UGGT1: variants seen among roughly 807,000 people sequenced by gnomAD.
The protein encoded by UGGT1 is UDP-glucose glycoprotein glucosyltransferase 1, also known as UDP-glucose:glycoprotein glucosyltransferase 1.
A neutral mutation model predicts 203.9 loss-of-function variants in UGGT1; 107 were observed. That is an observed-to-expected ratio of 0.52 (90% CI 0.45 to 0.62). UGGT1 has a LOEUF of 0.62. Among genes scored for constraint, UGGT1 ranks in the 20% least tolerant of loss-of-function variants. The pLI is 0.00. For missense variants in UGGT1, 1,673 were observed against 1,867.2 expected (o/e 0.90, Z 1.92); for synonymous variants, 628 against 653.5 (o/e 0.96, Z 0.59).
In UGGT1 at chr2:128,192,637, T is replaced by A. The variant is rs1692321941; in HGVS notation, c.*2895T>A. The A allele has an allele frequency of 6.6e-6, 1 of 152,184 alleles. No individual in the cohort carries two copies. Among genetic ancestry groups the A allele is most frequent in the South Asian group, 2.1e-4 (1 of 4,830 alleles). The allele number at this position is 152,184 out of a possible 1,614,324, so 9.4% of individuals were successfully genotyped here. ...TGTTCTGTGTACAGTGGCATTTGAT[T>A]GAGATCAAAGCCTGTCACAGCCTGC... On this transcript the variant is annotated 3_prime_UTR_variant, in exon 41 of 41. Coordinates refer to ENST00000259253, the MANE Select transcript of UGGT1 (RefSeq NM_020120.4).
intron 15 of UGGT1, among the ~76,000 whole-genome samples, chr2:128,137,573 C>T (rs1178814668): frequency 1.3e-5 from 2 of 152,144 alleles, no homozygotes; most frequent in Admixed American, 1.3e-4. Flanking sequence ...CCAAATTAAC[C>T]AAGTGTTGTC....
At chr2:128,180,713 A>G (rs997551520) in intron 35 of UGGT1, among the ~76,000 whole-genome samples, 177 bp from the exon 36 acceptor site, 5 of 152,320 alleles carry the variant, frequency 3.3e-5, no homozygotes, top group Admixed American at 1.3e-4. Context: ...GGATTTGACA[A>G]AGGTTTATAT....
chr2:128,154,773 A>G (rs781313913), intron 19 of UGGT1, among the ~76,000 whole-genome samples: 2 of 152,178 alleles, frequency 1.3e-5, no homozygotes, highest in Non-Finnish European at 2.9e-5. Context: ...GCTGTGTCTG[A>G]CAGACTGTGA....
Position 128,097,323 on chromosome 2 carries a change from C to T in UGGT1, c.59-106C>T, listed in dbSNP as rs192708487. The T allele has an allele frequency of 6.4e-4, 845 of 1,330,080 alleles. 5 individuals are homozygous for T. The East Asian group carries it at 0.019, about 30-fold the overall frequency. 82.4% of individuals were successfully genotyped at this position (1,330,080 alleles called of 1,614,324 possible). A position where few individuals can be genotyped will look rare whatever the true frequency, so the allele number is the denominator to read the frequency against. On this transcript the variant is annotated intron_variant, in intron 1 of 40. Coordinates refer to ENST00000259253, the MANE Select transcript of UGGT1 (RefSeq NM_020120.4). ...CCTGGGAGGCAGAGGTTGCATGAGC[C>T]GAGATTGCACCACTGCACTCCAGCC... is the stretch of plus-strand genomic sequence containing the variant.
intron 1 of UGGT1, among the ~76,000 whole-genome samples, chr2:128,096,453 A>G (rs1381976491): frequency 1.3e-5 from 2 of 152,060 alleles, no homozygotes; most frequent in Non-Finnish European, 2.9e-5. Flanking sequence ...TCTTTCTTTG[A>G]CTCTTCAGCT....
At position 128,164,736 on chromosome 2, in the gene UGGT1, C is replaced by T. The variant is rs184372637; in HGVS notation, c.2832C>T (p.Ser944=). 15 of 1,613,642 alleles carry T rather than the reference C, an allele frequency of 9.3e-6. No individual in the cohort carries two copies. Among genetic ancestry groups the T allele is most frequent in the South Asian group, 5.5e-5 (5 of 91,066 alleles). ...CTCTAACCCCTTCTTTCAGGGCAAG[C>T]GACTTGGTAATGAAGGTGGATGCTC... ...QQLRVEEDVA[S]DLVMKVDALL... The change falls in exon 26 of 41, where the codon AGC becomes AGT. Residue 944 remains serine, a synonymous_variant. Coordinates refer to ENST00000259253, the MANE Select transcript of UGGT1 (RefSeq NM_020120.4).
Position 128,145,835 on chromosome 2 carries a change from T to A in UGGT1, c.1884T>A (p.Val628=). 6.2e-7 allele frequency: 1 copy of A among 1,610,724 alleles called. No individual in the cohort carries two copies. Among genetic ancestry groups the A allele is most frequent in the Non-Finnish European group, 8.5e-7 (1 of 1,177,724 alleles). ...GAGGCTACTATGAGCAGACTGGAGT[T>A]GGACCTCTGCCCGTTGTGCTGTTCA... The part of the protein sequence containing the change: ...EARGYYEQTG[V]GPLPVVLFNG... The change falls in exon 18 of 41, where the codon GTT becomes GTA. Residue 628 remains valine (V), a synonymous_variant. Coordinates refer to ENST00000259253, the MANE Select transcript of UGGT1 (RefSeq NM_020120.4).
chr2:128,175,260 A>G (rs530147942), intron 31 of UGGT1, among the ~76,000 whole-genome samples: 1 of 152,340 alleles, frequency 6.6e-6, no homozygotes, highest in East Asian at 1.9e-4. Context: ...TGCACAGTAC[A>G]TGGAAGCTTT....
intron 37 of UGGT1, 44 bp from the exon 38 acceptor site, chr2:128,183,631 C>T (rs767432667): frequency 1.6e-5 from 24 of 1,456,200 alleles, no homozygotes; most frequent in Admixed American, 1.2e-4. Context: ...GTTTTCCTGT[C>T]GTAATCCATG....
At chr2:128,169,327 C>T (rs1453732832) in intron 26 of UGGT1, among the ~76,000 whole-genome samples, 4 of 152,170 alleles carry the variant, frequency 2.6e-5, no homozygotes, top group East Asian at 1.9e-4. Flanking sequence ...ACCATGATCA[C>T]GCCACTGCAC....
intron 24 of UGGT1, 111 bp from the exon 25 acceptor site, chr2:128,161,024 CTTT>C (rs1558806813): frequency 8.0e-7 from 1 of 1,246,740 alleles, no homozygotes; most frequent in Non-Finnish European, 1.1e-6. Flanking sequence ...TGTCTCAGGT[CTTT>C]AAGATGTTCT....
chr2:128,173,697 T>G, intron 29 of UGGT1, 84 bp from the exon 30 acceptor site: 1 of 1,472,524 alleles, frequency 6.8e-7, no homozygotes, highest in Non-Finnish European at 9.3e-7. Context: ...CCTTTTTGTC[T>G]GCTTCCTTTA....
chr2:128,110,058 G>A (rs926381173), intron 5 of UGGT1, among the ~76,000 whole-genome samples: 1 of 152,120 alleles, frequency 6.6e-6, no homozygotes, highest in Non-Finnish European at 1.5e-5. Flanking sequence ...GGCTTAGTAA[G>A]GAATACTGTG....
chr2:128,180,921 A>T lies in UGGT1; in HGVS notation c.3932A>T (p.Asn1311Ile). ...EFIPYMANEY[N>I]FQYELVQYKW... is the part of the protein sequence containing the mutation. ...ATACCTTACATGGCAAATGAATACA[A>T]TTTCCAGTATGAGCTTGTTCAGTAC... Residue 1311 changes from asparagine to isoleucine, a missense_variant, in exon 36 of 41, where the codon AAT (asparagine) becomes ATT (isoleucine). Physicochemically the swap from Asn to Ile is moderately radical, Grantham distance 149. Transcript: ENST00000259253. The T allele has an allele frequency of 6.2e-7, 1 of 1,613,896 alleles. No individual in the cohort carries two copies. The highest frequency in any genetic ancestry group is 8.5e-7 in the Non-Finnish European group (1 of 1,179,898).
At chr2:128,148,050 ATTCT>A (rs757513341) in intron 18 of UGGT1, among the ~76,000 whole-genome samples, 12 of 151,934 alleles carry the variant, frequency 7.9e-5, no homozygotes, top group Non-Finnish European at 1.3e-4. Flanking sequence ...TCCTGAACCA[ATTCT>A]TTCTTTTATT....
At chr2:128,093,410 G>C (rs769836899) in intron 1 of UGGT1, among the ~76,000 whole-genome samples, 12 of 152,142 alleles carry the variant, frequency 7.9e-5, no homozygotes, top group Non-Finnish European at 1.6e-4. Context: ...CATAATGCTA[G>C]GCGTGGAGAC....
chr2:128,125,223 T>G (rs1034615457), intron 11 of UGGT1, among the ~76,000 whole-genome samples: 2 of 152,124 alleles, frequency 1.3e-5, no homozygotes, highest in African/African-American at 4.8e-5. Context: ...GATTTGCCAT[T>G]GTCCACAGAT....
intron 18 of UGGT1, among the ~76,000 whole-genome samples, chr2:128,149,830 C>T (rs1689864722): frequency 6.6e-6 from 1 of 151,418 alleles, no homozygotes; most frequent in Non-Finnish European, 1.5e-5. Flanking sequence ...GGCGTGGTGG[C>T]TCATGCCTGT....
intron 7 of UGGT1, among the ~76,000 whole-genome samples, chr2:128,115,505 A>C (rs73955916): frequency 0.011 from 1,382 of 122,774 alleles, 22 homozygotes; most frequent in African/African-American, 0.034. Flanking sequence ...AAAAAAAAAA[A>C]CAAAAACCCT....
Sources: gnomAD v4.1 joint callset for allele counts (sites outside exome capture counted in the v4.1 genomes callset) on GRCh38, gnomAD v4.1.1 for gene constraint, MANE v1.5 for transcripts, NCBI Gene and HGNC (gene_info 2026-07-23, HGNC 2026-07-21) for gene names.